The following KCNMA1 variants were observed in gnomAD, a reference collection of about 807,000 sequenced individuals.
KCNMA1 encodes Calcium-activated potassium channel subunit alpha-1.
Under a neutral mutation model 140.0 loss-of-function variants are expected in KCNMA1, and 29 were observed. That is an observed-to-expected ratio of 0.21 (90% CI 0.15 to 0.28). KCNMA1 has a LOEUF of 0.28. Ranked by LOEUF, KCNMA1 falls within the 10% of genes least tolerant of loss-of-function variation. The pLI is 1.00. For missense variants in KCNMA1, 880 were observed against 1,602.2 expected (o/e 0.55, Z 7.70); for synonymous variants, 612 against 611.9 (o/e 1.00, Z 0.00).
chr10:77,020,099 A>G (rs1423126877), intron 16 of KCNMA1: 1 of 152,230 alleles, frequency 6.6e-6, no homozygotes, highest in Admixed American at 6.5e-5. Flanking sequence ...GATTCTGAAT[A>G]AAACAACAGA....
At chr10:77,183,636 G>T in intron 4 of KCNMA1, 104 bp from the exon 5 acceptor site, 1 of 776,734 alleles carries the variant, frequency 1.3e-6, no homozygotes, top group Non-Finnish European at 2.2e-6. Flanking sequence ...TTTTCATAGG[G>T]CCACCACGCC....
chr10:77,346,950 G>A (rs1309983632), intron 2 of KCNMA1, among the ~76,000 whole-genome samples: 5 of 152,232 alleles, frequency 3.3e-5, no homozygotes, highest in Admixed American at 1.3e-4. Flanking sequence ...CACAGAGTCT[G>A]CAAGCAGCCT....
intron 1 of KCNMA1, among the ~76,000 whole-genome samples, chr10:77,438,119 G>A (rs949139032): frequency 9.2e-5 from 14 of 152,170 alleles, no homozygotes; most frequent in African/African-American, 2.6e-4. Context: ...GTGAAGTGGT[G>A]CAATCATAGC....
At chr10:77,516,099 A>C (rs1446450655) in intron 1 of KCNMA1, among the ~76,000 whole-genome samples, 1 of 152,112 alleles carries the variant, frequency 6.6e-6, no homozygotes, top group East Asian at 1.9e-4. Flanking sequence ...ACTGAGATGA[A>C]TTTGACATAT....
chr10:77,413,294 G>A (rs1039345188), intron 1 of KCNMA1, among the ~76,000 whole-genome samples: 11 of 151,986 alleles, frequency 7.2e-5, no homozygotes, highest in African/African-American at 1.9e-4. Context: ...CCCTCCCCGC[G>A]GGCTGCTCTC....
At chr10:76,957,870 C>A (rs565596779) in intron 20 of KCNMA1, among the ~76,000 whole-genome samples, 1 of 152,200 alleles carries the variant, frequency 6.6e-6, no homozygotes, top group Non-Finnish European at 1.5e-5. Context: ...GAACACAATT[C>A]GTTCCAGCAA....
intron 5 of KCNMA1, among the ~76,000 whole-genome samples, chr10:77,148,015 C>T (rs1246927177): frequency 1.3e-5 from 2 of 152,060 alleles, no homozygotes; most frequent in African/African-American, 2.4e-5. Flanking sequence ...TCAGGCACAA[C>T]ATGTAAGGAG....
At chr10:77,217,528 A>C (rs1299250263) in intron 3 of KCNMA1, 5 of 456,678 alleles carry the variant, frequency 1.1e-5, no homozygotes, top group Admixed American at 4.7e-5. Flanking sequence ...CCTGCATTCA[A>C]TATGTTGGTT....
intron 2 of KCNMA1, among the ~76,000 whole-genome samples, chr10:77,310,780 T>C (rs1803339351): frequency 6.6e-6 from 1 of 152,192 alleles, no homozygotes; most frequent in Admixed American, 6.5e-5. Flanking sequence ...GGGGTTAGAA[T>C]AGGCCCAGAG....
intron 1 of KCNMA1, among the ~76,000 whole-genome samples, chr10:77,489,134 G>C (rs1375964620): frequency 1.3e-5 from 2 of 152,092 alleles, no homozygotes; most frequent in Admixed American, 1.3e-4. Flanking sequence ...AGAGCTCACA[G>C]GGCTGACAGA....
chr10:77,393,085 G>A (rs894102262), intron 2 of KCNMA1, among the ~76,000 whole-genome samples: 1 of 152,216 alleles, frequency 6.6e-6, no homozygotes, highest in Non-Finnish European at 1.5e-5. Context: ...GGTGAGTCAG[G>A]CTGGCATGAG....
At chr10:77,416,666 T>A (rs1375379544) in intron 1 of KCNMA1, among the ~76,000 whole-genome samples, 3 of 152,154 alleles carry the variant, frequency 2.0e-5, no homozygotes, top group Non-Finnish European at 4.4e-5. Flanking sequence ...TCCCCTTCGC[T>A]GCTGTTCTTT....
At chr10:77,438,244 G>A (rs2154504590) in intron 1 of KCNMA1, among the ~76,000 whole-genome samples, 1 of 152,030 alleles carries the variant, frequency 6.6e-6, no homozygotes, top group African/African-American at 2.4e-5. Context: ...TTTCATGTGG[G>A]CTCTAATTTT....
chr10:77,006,464 C>A (rs2088693792), intron 18 of KCNMA1, among the ~76,000 whole-genome samples: 1 of 152,138 alleles, frequency 6.6e-6, no homozygotes, highest in South Asian at 2.1e-4. Flanking sequence ...AAAAAGTCCA[C>A]CAGGATTTAA....
chr10:77,020,681 G>A (rs2092735256), intron 16 of KCNMA1: 1 of 152,190 alleles, frequency 6.6e-6, no homozygotes, highest in African/African-American at 2.4e-5. Context: ...CGAGGGTGAA[G>A]TGTTAGAGCT....
chr10:77,631,171 A>G (rs1409782946), intron 1 of KCNMA1, among the ~76,000 whole-genome samples: 1 of 149,304 alleles, frequency 6.7e-6, no homozygotes, highest in African/African-American at 2.5e-5. Flanking sequence ...CAGTCCTTGG[A>G]GATAAAGATG....
chr10:77,141,271 C>T (rs2098163338), intron 5 of KCNMA1, among the ~76,000 whole-genome samples: 1 of 152,082 alleles, frequency 6.6e-6, no homozygotes. Flanking sequence ...CCAACCCCAG[C>T]CCCCTCTTAG....
At chr10:76,914,374 C>A in intron 24 of KCNMA1, 2 of 532,122 alleles carry the variant, frequency 3.8e-6, no homozygotes, top group South Asian at 2.9e-5. Flanking sequence ...CAACATGGCC[C>A]TCAAAACCCC....
At chr10:77,021,972 T>A (rs920001790) in intron 16 of KCNMA1, among the ~76,000 whole-genome samples, 5 of 152,198 alleles carry the variant, frequency 3.3e-5, no homozygotes, top group Non-Finnish European at 5.9e-5. Context: ...CTATACACAT[T>A]CCAAATCTAG....
Sources: allele counts gnomAD v4.1 joint callset (sites outside exome capture counted in the v4.1 genomes callset), GRCh38; gene constraint gnomAD v4.1.1; transcripts MANE v1.5; gene names NCBI Gene and HGNC (gene_info 2026-07-23, HGNC 2026-07-21).